Variants in ZNF560 observed in about 807,000 individuals in gnomAD.
ZNF560 encodes the protein zinc finger protein 560.
ZNF560 carries 54 observed loss-of-function variants against 81.8 expected under a neutral mutation model. The observed-to-expected ratio is 0.66, with a 90% confidence interval of 0.53 to 0.83. The LOEUF (loss-of-function observed/expected upper bound fraction) is 0.83, where lower values mean the gene tolerates loss of function less well. ZNF560 is among the 40% of genes least tolerant of loss of function. The pLI is 0.00. For synonymous variants in ZNF560, 321 were observed against 317.9 expected, an observed-to-expected ratio of 1.01 and a Z score of -0.10; for missense variants, 940 against 932.4, an observed-to-expected ratio of 1.01 and a Z score of -0.11.
Position 9,470,387 on chromosome 19 carries a change from C to T in ZNF560, c.448+5G>A, listed in dbSNP as rs767063807. On this transcript the variant is annotated splice_donor_5th_base_variant and intron_variant, in intron 7 of 9. Coordinates refer to ENST00000301480, the MANE Select transcript of ZNF560 (RefSeq NM_152476.3). ...ATAGGCTACAAGGGATGATGCCAGA[C>T]TTACCTACTGAGGACAGGTTCTTGT... is the stretch of plus-strand genomic sequence containing the variant. The T allele has an allele frequency of 2.5e-6, 4 of 1,607,090 alleles. No homozygotes were observed. In the Admixed American group the frequency reaches 6.8e-5, roughly 27 times the overall value.
At chr19:9,446,365 TACACACACACAC>T in the ZNF560 span, among the ~76,000 whole-genome samples, 3,896 of 145,224 alleles carry the variant, frequency 0.027, 164 homozygotes, top group African/African-American at 0.091. Flanking sequence ...TGCCAAGTCA[TACACACACACAC>T]ACACACACAC....
chr19:9,445,889 C>A, the ZNF560 span, among the ~76,000 whole-genome samples: 1 of 152,134 alleles, frequency 6.6e-6, no homozygotes, highest in South Asian at 2.1e-4. Flanking sequence ...GGCTAGACTA[C>A]ACAGAAGGTC....
intron 2 of ZNF560, among the ~76,000 whole-genome samples, chr19:9,475,822 G>A (rs2073193049): frequency 6.6e-6 from 1 of 152,062 alleles, no homozygotes; most frequent in Non-Finnish European, 1.5e-5. Context: ...TACCCAGGAT[G>A]TTCTCCATCT....
chr19:9,449,184 C>T, the ZNF560 span, among the ~76,000 whole-genome samples: 1 of 152,216 alleles, frequency 6.6e-6, no homozygotes, highest in Admixed American at 6.5e-5. Flanking sequence ...TACCCATCAA[C>T]CACAAAATAC....
chr19:9,452,101 G>A, the ZNF560 span, among the ~76,000 whole-genome samples: 210 of 151,900 alleles, frequency 1.4e-3, no homozygotes, highest in African/African-American at 4.9e-3. Flanking sequence ...TGGGGGGCAG[G>A]GCAAAAGAAC....
At chr19:9,474,404 C>T in intron 3 of ZNF560, 79 bp from the exon 4 acceptor site, 1 of 1,491,608 alleles carries the variant, frequency 6.7e-7, no homozygotes. Flanking sequence ...TAACAGACCC[C>T]AATGCCTATA....
chr19:9,464,255 A>G (rs777702623), downstream of ZNF560, among the ~76,000 whole-genome samples: 2 of 152,238 alleles, frequency 1.3e-5, no homozygotes, highest in Non-Finnish European at 2.9e-5. Context: ...TTCTGTTTTC[A>G]TAGCACATGG....
Position 9,467,084 on chromosome 19 carries a change from T to C in ZNF560, c.1863A>G (p.Arg621=), listed in dbSNP as rs533329443. 2 of 1,613,728 alleles carry C rather than the reference T, an allele frequency of 1.2e-6. No individual in the cohort carries two copies. The highest frequency in any genetic ancestry group is 4.5e-5 in the East Asian group (2 of 44,818). ...ATTCATAGGGCTTATCTCCAGTGTGTCTTCGTAAATGTTTAGTAAGATCTG... is the reference window on the plus strand; with the variant it reads ...ATTCATAGGGCTTATCTCCAGTGTGCCTTCGTAAATGTTTAGTAAGATCTG... ...ERSDLTKHLR[R]HTGDKPYEYK... is the part of the protein sequence containing the mutation. Residue 621 remains arginine (R), a synonymous_variant, in exon 10 of 10, where the codon AGA becomes AGG. Transcript: ENST00000301480.
At chr19:9,474,986 G>C (rs1335353495) in intron 3 of ZNF560, among the ~76,000 whole-genome samples, 2 of 151,850 alleles carry the variant, frequency 1.3e-5, no homozygotes, top group African/African-American at 4.8e-5. Flanking sequence ...ATTAGCCTTT[G>C]AGTAAAGGAT....
chr19:9,468,458 C>A (rs1455319746), intron 9 of ZNF560, 124 bp from the exon 10 acceptor site: 9 of 689,148 alleles, frequency 1.3e-5, no homozygotes. Context: ...TAGTTTCTAC[C>A]TTTTGGATTT....
intron 2 of ZNF560, among the ~76,000 whole-genome samples, chr19:9,478,996 C>T (rs999766116): frequency 2.6e-5 from 4 of 151,918 alleles, no homozygotes; most frequent in African/African-American, 4.8e-5. Context: ...CGAAACCTTG[C>T]CTCTACTAAA....
the ZNF560 span, among the ~76,000 whole-genome samples, chr19:9,455,494 G>T: frequency 6.6e-6 from 1 of 152,228 alleles, no homozygotes; most frequent in Non-Finnish European, 1.5e-5. Flanking sequence ...AAGTGGTCAT[G>T]CAGGATGATG....
intron 2 of ZNF560, among the ~76,000 whole-genome samples, chr19:9,487,256 T>C (rs1421685825): frequency 6.6e-6 from 1 of 152,244 alleles, no homozygotes; most frequent in Non-Finnish European, 1.5e-5. Context: ...GAGAAAATTC[T>C]TTGTCTGAGT....
chr19:9,483,125 T>A (rs933102112), intron 2 of ZNF560, among the ~76,000 whole-genome samples: 7 of 142,762 alleles, frequency 4.9e-5, no homozygotes, highest in African/African-American at 1.6e-4. Context: ...TGGCCACCCA[T>A]CGTCTGGGAT....
At chr19:9,489,937 T>C (rs1303101935) in intron 2 of ZNF560, among the ~76,000 whole-genome samples, 3 of 152,192 alleles carry the variant, frequency 2.0e-5, no homozygotes, top group Non-Finnish European at 4.4e-5. Flanking sequence ...CTAATACAGG[T>C]ACTTACTAGA....
At chr19:9,461,217 CCCT>C in the ZNF560 span, among the ~76,000 whole-genome samples, 2 of 152,086 alleles carry the variant, frequency 1.3e-5, no homozygotes, top group Non-Finnish European at 2.9e-5. Context: ...GTTGTGTTCA[CCCT>C]CCTTTTGTTG....
intron 4 of ZNF560, 39 bp from the exon 5 acceptor site, chr19:9,473,298 A>C: frequency 6.5e-7 from 1 of 1,532,682 alleles, no homozygotes. Flanking sequence ...GAAGAGGCTC[A>C]GGCCAGGCAC....
intron 2 of ZNF560, among the ~76,000 whole-genome samples, chr19:9,478,983 T>C (rs1012439796): frequency 1.3e-5 from 2 of 152,064 alleles, no homozygotes; most frequent in African/African-American, 4.8e-5. Context: ...ATGGCCAACA[T>C]GGCGAAACCT....
chr19:9,467,830 T>A lies in ZNF560; in HGVS notation c.1117A>T (p.Ile373Leu), dbSNP rs764549091. The change falls in exon 10 of 10, where the codon ATA (isoleucine) becomes TTA (leucine). Residue 373 changes from isoleucine to leucine, a missense_variant. Coordinates refer to ENST00000301480, the MANE Select transcript of ZNF560 (RefSeq NM_152476.3). ...CAGTGCTTACATTTATAAGGTTTTA[T>A]CCCAATGTGGGTTTGCATGTGATTA... Reference protein sequence around the residue: ...LNNHMQTHIGIKPYKCKHCGK... With the variant: ...LNNHMQTHIGLKPYKCKHCGK... 3.7e-6 allele frequency: 6 copies of A among 1,614,200 alleles called. No homozygotes were observed. The South Asian group carries it at 5.5e-5, about 15-fold the overall frequency.
Sources: gnomAD v4.1 joint callset for allele counts (sites outside exome capture counted in the v4.1 genomes callset) on GRCh38, gnomAD v4.1.1 for gene constraint, MANE v1.5 for transcripts, NCBI Gene and HGNC (gene_info 2026-07-23, HGNC 2026-07-21) for gene names.